THBS1: variants seen among roughly 807,000 people sequenced by gnomAD.
The protein encoded by THBS1 is thrombospondin 1.
In THBS1, 29 loss-of-function variants were observed where a neutral mutation model predicts 126.1. The ratio of observed to expected loss-of-function variants is 0.23; its 90% CI spans 0.17 to 0.31. THBS1 has a LOEUF of 0.31. Ranked by LOEUF, THBS1 falls within the 10% of genes least tolerant of loss-of-function variation. The pLI, the probability that THBS1 is intolerant of heterozygous loss-of-function variation, is 1.00. For missense variants in THBS1, 1,198 were observed against 1,545.2 expected (o/e 0.78, Z 3.77); for synonymous variants, 496 against 577.8 (o/e 0.86, Z 2.03).
chr15:39,582,216 T>C lies in THBS1; in HGVS notation c.91T>C (p.Phe31Leu). 1.2e-6 allele frequency: 2 copies of C among 1,608,762 alleles called. No homozygotes were observed. Among genetic ancestry groups the C allele is most frequent in the Non-Finnish European group, 1.7e-6 (2 of 1,177,562 alleles). The change falls in exon 3 of 22, where the codon TTT (phenylalanine) becomes CTT (leucine). Residue 31 changes from phenylalanine to leucine, a missense_variant. Transcript: ENST00000260356. ...AGAGTCTGGCGGAGACAACAGCGTG[T>C]TTGACATCTTTGAACTCACCGGGGC... ...IPESGGDNSVFDIFELTGAAR... is the reference protein window; with the variant it reads ...IPESGGDNSVLDIFELTGAAR...
intron 8 of THBS1, 109 bp from the exon 9 acceptor site, chr15:39,587,933 A>G (rs1014998785): frequency 9.3e-7 from 1 of 1,074,286 alleles, no homozygotes; most frequent in African/African-American, 1.6e-5. Context: ...CACTGGGTTT[A>G]GTTGCCATTG....
At position 39,599,045 on chromosome 15, in the gene THBS1, C is replaced by T. The variant is rs1265388048; in HGVS notation, c.*3676C>T. The T allele has an allele frequency of 6.6e-6, 1 of 152,238 alleles. No homozygotes were observed. Among genetic ancestry groups the T allele is most frequent in the Middle Eastern group, 3.2e-3 (1 of 316 alleles). The allele number at this position is 152,238 out of a possible 1,614,324, so 9.4% of individuals were successfully genotyped here. Reference sequence around the variant, plus strand: ...CAAGCAATTCTCCCTCCTGCCTCAGCCTCCCAAGTAGCTGGGACTACAAGC... The same window carrying T: ...CAAGCAATTCTCCCTCCTGCCTCAGTCTCCCAAGTAGCTGGGACTACAAGC... On this transcript the variant is annotated 3_prime_UTR_variant, in exon 22 of 22. Coordinates refer to ENST00000260356, the MANE Select transcript of THBS1 (RefSeq NM_003246.4).
chr15:39,584,180 G>T lies in THBS1; in HGVS notation c.896G>T (p.Arg299Leu), dbSNP rs370844327. The T allele has an allele frequency of 6.2e-7, 1 of 1,614,012 alleles. No individual in the cohort carries two copies. The highest frequency in any genetic ancestry group is 1.3e-5 in the African/African-American group (1 of 75,050). ...TIVTTLQDSI[R>L]KVTEENKELA... is the part of the protein sequence containing the mutation. ...GTGACCACGCTGCAGGACAGCATCC[G>T]CAAAGTGGTCAGTGGCCTCTGCACC... Residue 299 changes from arginine to leucine, a missense_variant, in exon 5 of 22, where the codon CGC (arginine) becomes CTC (leucine). Around this residue, in one of 4 missense-constraint regions of THBS1, gnomAD observed 663 missense variants for 860.1 expected, o/e 0.77. Coordinates refer to ENST00000260356, the MANE Select transcript of THBS1 (RefSeq NM_003246.4).
chr15:39,590,116 A>G (rs1890299142), intron 13 of THBS1, 93 bp downstream of exon 13: 2 of 1,157,762 alleles, frequency 1.7e-6, no homozygotes, highest in East Asian at 2.6e-5. Flanking sequence ...AAGTTTGGAC[A>G]TGAAACTGAA....
chr15:39,596,826 T>C lies in THBS1; in HGVS notation c.*1457T>C, dbSNP rs1173689958. 6.6e-6 allele frequency: 1 copy of C among 152,222 alleles called. No homozygotes were observed. The highest frequency in any genetic ancestry group is 1.5e-5 in the Non-Finnish European group (1 of 68,038). 9.4% of individuals were successfully genotyped at this position (152,222 alleles called of 1,614,324 possible). ...AGGGAGAAGGAAAGCATATACACTTTTTTCTTTCATTTTTCCAAAAGAGAA... is the reference window on the plus strand; with the variant it reads ...AGGGAGAAGGAAAGCATATACACTTCTTTCTTTCATTTTTCCAAAAGAGAA... On this transcript the variant is annotated 3_prime_UTR_variant, in exon 22 of 22. Transcript: ENST00000260356.
chr15:39,591,379 C>T (rs191284698), intron 15 of THBS1, 29 bp downstream of exon 15: 32 of 1,601,930 alleles, frequency 2.0e-5, no homozygotes, highest in South Asian at 5.6e-5. Flanking sequence ...AGAGGGCCCG[C>T]GGGAGACAGG....
In THBS1 at chr15:39,593,782, C is replaced by G. The variant is rs1257955112; in HGVS notation, c.3267+114C>G. 1 of 1,420,548 alleles carries G rather than the reference C, an allele frequency of 7.0e-7. No individual in the cohort carries two copies. Among genetic ancestry groups the G allele is most frequent in the Non-Finnish European group, 9.5e-7 (1 of 1,048,560 alleles). The allele number at this position is 1,420,548 out of a possible 1,614,324, so 88.0% of individuals were successfully genotyped here. A position where few individuals can be genotyped will look rare whatever the true frequency, so the allele number is the denominator to read the frequency against. On this transcript the variant is annotated intron_variant, in intron 19 of 21. Transcript: ENST00000260356. This position sits in a 1 kb window ranked among gnomAD's most constrained non-coding sequence, Gnocchi z 5.9. ...GGGAGTCTTAGAAAGTTCCCAGCATCACCAGCTGCAGCATTGAACTCTGCT... is the reference window on the plus strand; with the variant it reads ...GGGAGTCTTAGAAAGTTCCCAGCATGACCAGCTGCAGCATTGAACTCTGCT...
At chr15:39,591,452 G>A in intron 15 of THBS1, 53 bp from the exon 16 acceptor site, 1 of 1,610,784 alleles carries the variant, frequency 6.2e-7, no homozygotes, top group Non-Finnish European at 8.5e-7. Flanking sequence ...CACTTTGGTG[G>A]AAACATCCAA....
rs777692355 is a variant in THBS1 at position 39,588,932 on chromosome 15, G to A, written c.1646-27G>A. The A allele has an allele frequency of 3.6e-5, 58 of 1,614,154 alleles. No individual in the cohort carries two copies. In the South Asian group the frequency reaches 6.1e-4, roughly 17 times the overall value. Reference sequence around the variant, plus strand: ...TGGCAGCTTAGACCAACCATTTACTGTGACTGTCTCTCTCTCCTTGTCTCA... The same window carrying A: ...TGGCAGCTTAGACCAACCATTTACTATGACTGTCTCTCTCTCCTTGTCTCA... On this transcript the variant is annotated intron_variant, in intron 10 of 21. Transcript: ENST00000260356.
intron 8 of THBS1, 130 bp downstream of exon 8, chr15:39,587,650 G>A: frequency 1.0e-6 from 1 of 985,024 alleles, no homozygotes; most frequent in Non-Finnish European, 1.5e-6. Context: ...CCACTGCTTA[G>A]CTGTGCACCC....
At chr15:39,591,667 G>A (rs1166390013) in intron 16 of THBS1, 44 bp downstream of exon 16, 2 of 1,535,342 alleles carry the variant, frequency 1.3e-6, no homozygotes, top group African/African-American at 2.7e-5. Flanking sequence ...TAAACTGTTG[G>A]AATATCCCTT....
At position 39,594,060 on chromosome 15, in the gene THBS1, G is replaced by A; in HGVS notation, c.3268-39G>A. The A allele has an allele frequency of 6.4e-7, 1 of 1,574,712 alleles. No homozygotes were observed. ...AATGAAATAGAAATCTTTACCTGAA[G>A]GAGCTGTGTTTCAACCTTTCCTTTT... On this transcript the variant is annotated intron_variant, in intron 19 of 21. Transcript: ENST00000260356. The surrounding 1 kb of genome is among the most constrained non-coding windows in gnomAD (Gnocchi z 4.4).
At position 39,595,475 on chromosome 15, in the gene THBS1, C is replaced by T; in HGVS notation, c.*106C>T. 7.1e-7 allele frequency: 1 copy of T among 1,409,000 alleles called. No homozygotes were observed. Among genetic ancestry groups the T allele is most frequent in the Non-Finnish European group, 9.5e-7 (1 of 1,057,534 alleles). 87.3% of individuals were successfully genotyped at this position (1,409,000 alleles called of 1,614,324 possible). A position where few individuals can be genotyped will look rare whatever the true frequency, so the allele number is the denominator to read the frequency against. On this transcript the variant is annotated 3_prime_UTR_variant, in exon 22 of 22. Transcript: ENST00000260356. The stretch of plus-strand genomic sequence containing the variant: ...CCCAGGATCACTTCTCCTTGGCTTC[C>T]TTCTTTTCTGTGCTTGCATCAGTGT...
At chr15:39,584,534 T>A in intron 6 of THBS1, 112 bp downstream of exon 6, 1 of 1,413,778 alleles carries the variant, frequency 7.1e-7, no homozygotes, top group Non-Finnish European at 9.5e-7. Flanking sequence ...CATGGCCTGA[T>A]AACAAAGTGT....
Position 39,582,354 on chromosome 15 carries a change from G to T in THBS1, c.229G>T (p.Asp77Tyr). Residue 77 changes from aspartate (D) to tyrosine (Y), a missense_variant, in exon 3 of 22, where the codon GAC (aspartate) becomes TAC (tyrosine). Transcript: ENST00000260356. The stretch of plus-strand genomic sequence containing the variant: ...CCCTGTGCCTGATGACAAGTTCCAA[G>T]ACCTGGTGGATGCTGTGCGGGCAGA... The part of the protein sequence containing the change: ...IPPVPDDKFQ[D>Y]LVDAVRAEKG... 6.2e-7 allele frequency: 1 copy of T among 1,614,238 alleles called. No individual in the cohort carries two copies. The highest frequency in any genetic ancestry group is 1.3e-5 in the African/African-American group (1 of 75,066).
Position 39,593,028 on chromosome 15 carries a change from T to G in THBS1, c.2796T>G (p.Asp932Glu). The part of the protein sequence containing the change: ...DGDGRGDACK[D>E]DFDHDSVPDI... ...ATGGTCGAGGTGATGCCTGCAAAGA[T>G]GATTTTGACCATGACAGTGTGCCAG... Residue 932 changes from aspartate (D) to glutamate (E), a missense_variant, in exon 18 of 22, where the codon GAT becomes GAG. Physicochemically the swap from Asp to Glu is conservative, Grantham distance 45 (BLOSUM62 2). Around this residue, in one of 4 missense-constraint regions of THBS1, gnomAD observed 255 missense variants for 373.9 expected, o/e 0.68. Coordinates refer to ENST00000260356, the MANE Select transcript of THBS1 (RefSeq NM_003246.4). The surrounding 1 kb of genome is among the most constrained non-coding windows in gnomAD (Gnocchi z 5.9). 6.2e-7 allele frequency: 1 copy of G among 1,613,012 alleles called. No individual in the cohort carries two copies. The highest frequency in any genetic ancestry group is 8.5e-7 in the Non-Finnish European group (1 of 1,179,606).
chr15:39,592,479 G>T lies in THBS1; in HGVS notation c.2533-89G>T, dbSNP rs1437600258. ...ACCCCACTGGCTGTATCAAACAATG[G>T]AGAATTTTCCCTGTGGTGGGGGCAT... On this transcript the variant is annotated intron_variant, in intron 16 of 21. Coordinates refer to ENST00000260356, the MANE Select transcript of THBS1 (RefSeq NM_003246.4). This position sits in a 1 kb window ranked among gnomAD's most constrained non-coding sequence, Gnocchi z 4.3. 1 of 1,086,806 alleles carries T rather than the reference G, an allele frequency of 9.2e-7. No individual in the cohort carries two copies. The highest frequency in any genetic ancestry group is 1.6e-5 in the African/African-American group (1 of 63,740). 67.3% of individuals were successfully genotyped at this position (1,086,806 alleles called of 1,614,324 possible).
chr15:39,596,101 G>T lies in THBS1; in HGVS notation c.*732G>T, dbSNP rs573270030. 6.1e-5 allele frequency: 20 copies of T among 328,532 alleles called. No individual in the cohort carries two copies. The highest frequency in any genetic ancestry group is 4.9e-4 in the South Asian group (19 of 38,950). 20.4% of individuals were successfully genotyped at this position (328,532 alleles called of 1,614,324 possible). A position where few individuals can be genotyped will look rare whatever the true frequency, so the allele number is the denominator to read the frequency against. Reference sequence around the variant, plus strand: ...GGGAATCAGAATCAAACCAGTGTAAGGCAGTGCTGGCTGCCATTGCCTGGT... The same window carrying T: ...GGGAATCAGAATCAAACCAGTGTAATGCAGTGCTGGCTGCCATTGCCTGGT... On this transcript the variant is annotated 3_prime_UTR_variant, in exon 22 of 22. Coordinates refer to ENST00000260356, the MANE Select transcript of THBS1 (RefSeq NM_003246.4).
At position 39,597,596 on chromosome 15, in the gene THBS1, T is replaced by C. The variant is rs1890500867; in HGVS notation, c.*2227T>C. 3.9e-5 allele frequency: 6 copies of C among 152,174 alleles called. No homozygotes were observed. Among genetic ancestry groups the C allele is most frequent in the Admixed American group, 3.9e-4 (6 of 15,280 alleles). The allele number at this position is 152,174 out of a possible 1,614,324, so 9.4% of individuals were successfully genotyped here. Reference sequence around the variant, plus strand: ...AGTAAGTCATAGCAACATTCACAGTTTGTATGTGATTGAGAAAGACTGAGT... The same window carrying C: ...AGTAAGTCATAGCAACATTCACAGTCTGTATGTGATTGAGAAAGACTGAGT... On this transcript the variant is annotated 3_prime_UTR_variant, in exon 22 of 22. Transcript: ENST00000260356.
Sources: allele counts gnomAD v4.1 joint callset, GRCh38; gene constraint gnomAD v4.1.1; regional missense constraint gnomAD v4.1.1; non-coding constraint Gnocchi (gnomAD v3.1); transcripts MANE v1.5; gene names NCBI Gene and HGNC (gene_info 2026-07-23, HGNC 2026-07-21).